Variants in JOSD1 observed in about 807,000 individuals in gnomAD.
The protein encoded by JOSD1 is josephin-1.
In JOSD1, 11 loss-of-function variants were observed where a neutral mutation model predicts 24.3. The ratio of observed to expected loss-of-function variants is 0.45; its 90% CI spans 0.29 to 0.75. The LOEUF is 0.75. Ranked by LOEUF, JOSD1 falls within the 30% of genes least tolerant of loss-of-function variation. The pLI, the probability that JOSD1 is intolerant of heterozygous loss-of-function variation, is 0.11. For missense variants in JOSD1, 184 were observed against 253.5 expected, an observed-to-expected ratio of 0.73 and a Z score of 1.86; for synonymous variants, 106 against 93.8, an observed-to-expected ratio of 1.13 and a Z score of -0.75.
At chr22:38,700,978 T>G (rs368773557), upstream of JOSD1, 1 of 984,552 alleles carries the variant, frequency 1.0e-6, no homozygotes, top group Admixed American at 6.2e-5. Context: ...GAGCCCGACG[T>G]CAGCGGCCCC....
At position 38,687,524 on chromosome 22, in the gene JOSD1, GA is replaced by G. The variant is rs1261422010; in HGVS notation, c.*377del. 2 of 207,382 alleles carry G rather than the reference GA, an allele frequency of 9.6e-6. No homozygotes were observed. Among genetic ancestry groups the G allele is most frequent in the Non-Finnish European group, 1.9e-5 (2 of 103,958 alleles). 12.8% of individuals were successfully genotyped at this position (207,382 alleles called of 1,614,324 possible). ...ACTGTTTTCAGACCCAGACAGGATG[GA>G]AAGTGGAGGCAGCATCTCTAGGTGA... On this transcript the variant is annotated 3_prime_UTR_variant, in exon 5 of 5. Transcript: ENST00000683374.
chr22:38,689,421 C>G lies in JOSD1; in HGVS notation c.189G>C (p.Leu63Phe). ...RDTLQEIFQRLSPNTMVTPHK... is the reference protein window; with the variant it reads ...RDTLQEIFQRFSPNTMVTPHK... ...GAGGTGTCACCATGGTGTTTGGAGACAACCTACCAATGTGAAAAGAGGAGG... is the reference window on the plus strand; with the variant it reads ...GAGGTGTCACCATGGTGTTTGGAGAGAACCTACCAATGTGAAAAGAGGAGG... Residue 63 changes from leucine to phenylalanine, a missense_variant, in exon 3 of 5, where the codon TTG becomes TTC. Leu to Phe is a conservative substitution (Grantham distance 22). Coordinates refer to ENST00000683374, the MANE Select transcript of JOSD1 (RefSeq NM_001360236.2). The G allele has an allele frequency of 6.2e-7, 1 of 1,614,154 alleles. No individual in the cohort carries two copies.
chr22:38,691,989 G>A (rs1403660725), intron 2 of JOSD1, among the ~76,000 whole-genome samples: 1 of 152,152 alleles, frequency 6.6e-6, no homozygotes, highest in Non-Finnish European at 1.5e-5. Context: ...AATGTTCAGT[G>A]TTTATTTTTG....
chr22:38,692,981 G>C (rs2092529981), intron 2 of JOSD1, among the ~76,000 whole-genome samples: 1 of 151,970 alleles, frequency 6.6e-6, no homozygotes, highest in African/African-American at 2.4e-5. Flanking sequence ...CTCCCTACCA[G>C]GCTCAAACCT....
chr22:38,694,150 C>T lies in JOSD1; in HGVS notation c.186-4726G>A, dbSNP rs574754869. On this transcript the variant is annotated intron_variant, in intron 2 of 4. Transcript: ENST00000683374. ...ATTTGAATAAGTGGGGCCCACCCAG[C>T]GTATTCACCACACCAGCACTTGCTT... is the stretch of plus-strand genomic sequence containing the variant. 6.2e-4 allele frequency among the ~76,000 whole-genome samples: 94 copies of T among 152,310 alleles called. 1 individual carries two copies. In the South Asian group the frequency reaches 0.017, roughly 28 times the overall value.
chr22:38,688,851 G>A (rs1364653528), intron 4 of JOSD1, 84 bp downstream of exon 4: 1 of 1,262,068 alleles, frequency 7.9e-7, no homozygotes, highest in East Asian at 2.3e-5. Context: ...CATTTCCTTT[G>A]TCAAATAACC....
chr22:38,686,419 T>C lies in JOSD1; in HGVS notation c.*1483A>G, dbSNP rs568988489. 5 of 152,376 alleles carry C rather than the reference T, an allele frequency of 3.3e-5. No homozygotes were observed. The South Asian group carries it at 8.3e-4, about 25-fold the overall frequency. 9.4% of individuals were successfully genotyped at this position (152,376 alleles called of 1,614,324 possible). ...ACAGCTCTCAGACCTGCCACGACCA[T>C]TGATCTGAGGGCCAGCAGGTCACCC... On this transcript the variant is annotated 3_prime_UTR_variant, in exon 5 of 5. Transcript: ENST00000683374.
At chr22:38,695,324 G>A (rs1220410425) in intron 2 of JOSD1, among the ~76,000 whole-genome samples, 1 of 152,140 alleles carries the variant, frequency 6.6e-6, no homozygotes, top group Non-Finnish European at 1.5e-5. Flanking sequence ...TAATGGGGAG[G>A]CTGGAATAGT....
chr22:38,700,266 C>G lies in JOSD1; in HGVS notation c.-279G>C, dbSNP rs1005627748. On this transcript the variant is annotated 5_prime_UTR_variant, in exon 2 of 5. Coordinates refer to ENST00000683374, the MANE Select transcript of JOSD1 (RefSeq NM_001360236.2). ...TTAAAAAAACACATAAAATGTAAGA[C>G]CTTGTTTCCGTTTCCCCACCCTTCC... 3 of 1,103,138 alleles carry G rather than the reference C, an allele frequency of 2.7e-6. No individual in the cohort carries two copies. Among genetic ancestry groups the G allele is most frequent in the Admixed American group, 4.6e-5 (1 of 21,866 alleles). 68.3% of individuals were successfully genotyped at this position (1,103,138 alleles called of 1,614,324 possible).
intron 2 of JOSD1, among the ~76,000 whole-genome samples, chr22:38,696,301 G>A (rs912630999): frequency 4.6e-5 from 7 of 151,420 alleles, no homozygotes; most frequent in African/African-American, 9.7e-5. Context: ...ACAGTGGTGC[G>A]ATCTTGGCTC....
intron 2 of JOSD1, among the ~76,000 whole-genome samples, chr22:38,696,829 T>C (rs1569266298): frequency 1.3e-5 from 2 of 152,196 alleles, no homozygotes; most frequent in African/African-American, 2.4e-5. Context: ...CACAACTCTA[T>C]TGAAACTCCA....
intron 2 of JOSD1, among the ~76,000 whole-genome samples, chr22:38,691,375 A>AC (rs1285001612): frequency 2.0e-5 from 3 of 151,716 alleles, no homozygotes; most frequent in Non-Finnish European, 4.4e-5. Context: ...AGAAAAAAAA[A>AC]AAAAACCCAC....
At chr22:38,690,351 A>T (rs1292491661) in intron 2 of JOSD1, among the ~76,000 whole-genome samples, 1 of 152,092 alleles carries the variant, frequency 6.6e-6, no homozygotes, top group Admixed American at 6.5e-5. Context: ...AAACTTAAGA[A>T]ATCTTGTATT....
intron 2 of JOSD1, among the ~76,000 whole-genome samples, chr22:38,698,652 G>A (rs985494115): frequency 1.3e-5 from 2 of 152,184 alleles, no homozygotes; most frequent in African/African-American, 2.4e-5. Context: ...CATCACCTGA[G>A]TTGCTATGGA....
intron 4 of JOSD1, 59 bp from the exon 5 acceptor site, chr22:38,688,060 G>C: frequency 4.1e-6 from 5 of 1,208,164 alleles, no homozygotes; most frequent in South Asian, 1.2e-5. Context: ...CCAGTCTCAG[G>C]ACCACAAAGT....
chr22:38,699,702 T>C (rs1456599335), intron 2 of JOSD1, 101 bp downstream of exon 2: 1 of 1,133,470 alleles, frequency 8.8e-7, no homozygotes. Context: ...GCAATCTAGC[T>C]AATACCTACA....
chr22:38,689,346 C>G lies in JOSD1; in HGVS notation c.264G>C (p.Met88Ile). 6.2e-7 allele frequency: 1 copy of G among 1,614,246 alleles called. No homozygotes were observed. ...CATAGCCTTTGGTCTGAAGTGCTGC[C>G]ATAATGACATTCACATCGTAGTTGC... ...GNGNYDVNVI[M>I]AALQTKGYEA... is the part of the protein sequence containing the mutation. The change falls in exon 3 of 5, where the codon ATG becomes ATC. Residue 88 changes from methionine (M) to isoleucine (I), a missense_variant. Transcript: ENST00000683374.
Position 38,700,025 on chromosome 22 carries a change from C to T in JOSD1, c.-38G>A, listed in dbSNP as rs2092561694. Reference sequence around the variant, plus strand: ...AGGTTCCAGAGATGGCTATAAACACCCCACTCTTCCCTCTAGAGGAAGAAT... The same window carrying T: ...AGGTTCCAGAGATGGCTATAAACACTCCACTCTTCCCTCTAGAGGAAGAAT... On this transcript the variant is annotated 5_prime_UTR_variant, in exon 2 of 5. Transcript: ENST00000683374. 1 of 1,543,180 alleles carries T rather than the reference C, an allele frequency of 6.5e-7. No homozygotes were observed. Among genetic ancestry groups the T allele is most frequent in the South Asian group, 1.3e-5 (1 of 78,742 alleles).
At chr22:38,689,848 G>A (rs2092513853) in intron 2 of JOSD1, among the ~76,000 whole-genome samples, 1 of 151,780 alleles carries the variant, frequency 6.6e-6, no homozygotes, top group South Asian at 2.1e-4. Flanking sequence ...ATAAACTGGG[G>A]TTGGATATAA....
Sources: gnomAD v4.1 joint callset for allele counts (sites outside exome capture counted in the v4.1 genomes callset) on GRCh38, gnomAD v4.1.1 for gene constraint, MANE v1.5 for transcripts, NCBI Gene and HGNC (gene_info 2026-07-23, HGNC 2026-07-21) for gene names.